The following NNT variants were observed in gnomAD, a reference collection of about 807,000 sequenced individuals.
The protein encoded by NNT is NAD(P) transhydrogenase, mitochondrial.
In NNT, 50 loss-of-function variants were observed where a neutral mutation model predicts 104.8. That is an observed-to-expected ratio of 0.48 (90% CI 0.38 to 0.60). The LOEUF (loss-of-function observed/expected upper bound fraction) is 0.60, where lower values mean the gene tolerates loss of function less well. Among genes scored for constraint, NNT ranks in the 20% least tolerant of loss-of-function variants. The pLI is 0.00. For missense variants in NNT, 1,131 were observed against 1,330.7 expected (o/e 0.85, Z 2.33); for synonymous variants, 461 against 490.4 (o/e 0.94, Z 0.79).
At chr5:43,648,281 GT>G (rs1468714973) in intron 10 of NNT, 1 of 1,003,018 alleles carries the variant, frequency 1.0e-6, no homozygotes, top group Non-Finnish European at 1.2e-6. Context: ...CAAAGTAATA[GT>G]TTACATCAAG....
At position 43,656,540 on chromosome 5, in the gene NNT, C is replaced by T. The variant is rs1054609421; in HGVS notation, c.2294-113C>T. On this transcript the variant is annotated intron_variant, in intron 15 of 21. Transcript: ENST00000344920. The stretch of plus-strand genomic sequence containing the variant: ...CTTTTGATAATATATGTGAACTAAA[C>T]AGCATCCTCATAATCCTTGGTTAGA... 3.0e-6 allele frequency: 3 copies of T among 996,152 alleles called. No homozygotes were observed. In the African/African-American group the frequency reaches 4.9e-5, roughly 16 times the overall value. 61.7% of individuals were successfully genotyped at this position (996,152 alleles called of 1,614,324 possible).
chr5:43,634,157 TG>T (rs1750820218), intron 7 of NNT, among the ~76,000 whole-genome samples: 1 of 152,198 alleles, frequency 6.6e-6, no homozygotes, highest in Admixed American at 6.5e-5. Flanking sequence ...TGGACTTCTG[TG>T]GTAATTTTCC....
At chr5:43,604,621 A>T (rs1749109045) in intron 1 of NNT, among the ~76,000 whole-genome samples, 1 of 152,194 alleles carries the variant, frequency 6.6e-6, no homozygotes, top group Non-Finnish European at 1.5e-5. Flanking sequence ...TACCAAAGTG[A>T]ATATAACAGC....
rs1749935477 is a variant in NNT at position 43,619,087 on chromosome 5, ATCACAGCTGCTG to A, written c.656_667del (p.Ile219_Gly223delinsArg). On this transcript the variant is annotated inframe_deletion, in exon 5 of 22. Transcript: ENST00000344920. Reference sequence around the variant, plus strand: ...TTTTGGACGTTTTTTTACTGGTCAGATCACAGCTGCTGGAAAAGTTCCTCCAGCTAAGGTAGG... The same window carrying A: ...TTTTGGACGTTTTTTTACTGGTCAGAGAAAAGTTCCTCCAGCTAAGGTAGG... The A allele has an allele frequency of 1.3e-6, 2 of 1,554,610 alleles. No homozygotes were observed. Among genetic ancestry groups the A allele is most frequent in the African/African-American group, 1.4e-5 (1 of 73,374 alleles).
At chr5:43,656,839 C>T (rs1740082132) in intron 16 of NNT, 26 bp downstream of exon 16, 2 of 1,589,446 alleles carry the variant, frequency 1.3e-6, no homozygotes, top group Non-Finnish European at 1.7e-6. Flanking sequence ...TTGAAAAGTA[C>T]ATATTTGGTG....
At chr5:43,619,205 A>T (rs945448429) in intron 5 of NNT, 86 bp downstream of exon 5, 13 of 646,900 alleles carry the variant, frequency 2.0e-5, no homozygotes, top group African/African-American at 3.8e-5. Context: ...TTATTTAAAA[A>T]TTTTTATATG....
intron 15 of NNT, 139 bp downstream of exon 15, chr5:43,656,212 T>C: frequency 1.4e-6 from 1 of 710,302 alleles, no homozygotes; most frequent in Non-Finnish European, 2.3e-6. Context: ...GAGGCTGAGG[T>C]GGGAGGCTCT....
Position 43,619,129 on chromosome 5 carries a change from A to G in NNT, c.687+10A>G, listed in dbSNP as rs761678297. 5 of 1,487,484 alleles carry G rather than the reference A, an allele frequency of 3.4e-6. No homozygotes were observed. The African/African-American group carries it at 4.2e-5, about 13-fold the overall frequency. 92.1% of individuals were successfully genotyped at this position (1,487,484 alleles called of 1,614,324 possible). A position where few individuals can be genotyped will look rare whatever the true frequency, so the allele number is the denominator to read the frequency against. On this transcript the variant is annotated intron_variant, in intron 5 of 21. Coordinates refer to ENST00000344920, the MANE Select transcript of NNT (RefSeq NM_182977.3). ...AGTTCCTCCAGCTAAGGTAGGTACA[A>G]CTTTTAATGTTTCTTTATAATATGC...
chr5:43,621,790 G>A (rs1750111187), intron 5 of NNT, among the ~76,000 whole-genome samples: 2 of 152,200 alleles, frequency 1.3e-5, no homozygotes, highest in African/African-American at 2.4e-5. Context: ...TGATGGGGAA[G>A]CTTCCTCTGA....
At chr5:43,679,039 G>A (rs1561317153) in intron 19 of NNT, among the ~76,000 whole-genome samples, 1 of 152,272 alleles carries the variant, frequency 6.6e-6, no homozygotes, top group Middle Eastern at 3.4e-3. Flanking sequence ...GAGAGTCTTA[G>A]ATGAATTGAA....
At chr5:43,695,151 A>G (rs1048853273) in intron 19 of NNT, among the ~76,000 whole-genome samples, 1 of 152,188 alleles carries the variant, frequency 6.6e-6, no homozygotes, top group Non-Finnish European at 1.5e-5. Context: ...CAAGACCCCT[A>G]ATGGTAGCTT....
chr5:43,628,346 G>A lies in NNT; in HGVS notation c.923G>A (p.Cys308Tyr). 1 of 1,613,462 alleles carries A rather than the reference G, an allele frequency of 6.2e-7. No individual in the cohort carries two copies. Among genetic ancestry groups the A allele is most frequent in the Non-Finnish European group, 8.5e-7 (1 of 1,179,700 alleles). ...GAAATGAAACTCTTTGCTCAACAAT[G>A]CAAGGAGGTAGACATCCTTATCAGC... ...EAEMKLFAQQ[C>Y]KEVDILISTA... Residue 308 changes from cysteine (C) to tyrosine (Y), a missense_variant, in exon 7 of 22, where the codon TGC (cysteine) becomes TAC (tyrosine). By Grantham distance (194) the Cys-to-Tyr change is radical. Transcript: ENST00000344920.
intron 17 of NNT, among the ~76,000 whole-genome samples, chr5:43,669,790 C>T (rs1397561760): frequency 6.6e-6 from 1 of 152,138 alleles, no homozygotes; most frequent in African/African-American, 2.4e-5. Context: ...ATGATGCTGG[C>T]CTCATAAAAT....
chr5:43,647,472 A>G (rs1232563826), intron 10 of NNT, among the ~76,000 whole-genome samples: 2 of 152,224 alleles, frequency 1.3e-5, no homozygotes, highest in African/African-American at 4.8e-5. Flanking sequence ...AGTGAATGAA[A>G]GGATGAACTT....
intron 17 of NNT, among the ~76,000 whole-genome samples, chr5:43,672,559 G>A (rs62368568): frequency 2.0e-5 from 3 of 149,848 alleles, no homozygotes; most frequent in Non-Finnish European, 4.5e-5. Flanking sequence ...ACTCCAGACC[G>A]TGTTTGCCTG....
At chr5:43,657,979 A>G (rs1177054169) in intron 16 of NNT, among the ~76,000 whole-genome samples, 1 of 152,072 alleles carries the variant, frequency 6.6e-6, no homozygotes, top group African/African-American at 2.4e-5. Flanking sequence ...TACTAAAAAT[A>G]CAAAAATAAG....
At chr5:43,622,604 G>C (rs1750155944) in intron 5 of NNT, among the ~76,000 whole-genome samples, 1 of 152,124 alleles carries the variant, frequency 6.6e-6, no homozygotes, top group Non-Finnish European at 1.5e-5. Flanking sequence ...CGGTGTAACA[G>C]TTAGCAGTAA....
At chr5:43,620,382 G>C (rs1034807786) in intron 5 of NNT, among the ~76,000 whole-genome samples, 4 of 152,036 alleles carry the variant, frequency 2.6e-5, no homozygotes, top group African/African-American at 9.7e-5. Flanking sequence ...ACCATGCCCG[G>C]TTAATTTTTT....
chr5:43,603,532 C>T (rs1209318165), intron 1 of NNT, among the ~76,000 whole-genome samples: 1 of 152,122 alleles, frequency 6.6e-6, no homozygotes, highest in Non-Finnish European at 1.5e-5. Context: ...TTCTCGTCTC[C>T]TGCTGGGGCG....
Sources: allele counts gnomAD v4.1 joint callset (sites outside exome capture counted in the v4.1 genomes callset), GRCh38; gene constraint gnomAD v4.1.1; transcripts MANE v1.5; gene names NCBI Gene and HGNC (gene_info 2026-07-23, HGNC 2026-07-21).